SH3PXD2B: variants seen among roughly 807,000 people sequenced by gnomAD.
The protein encoded by SH3PXD2B is SH3 and PX domains 2B, also known as SH3 and PX domain-containing protein 2B.
In SH3PXD2B, 37 loss-of-function variants were observed where a neutral mutation model predicts 73.1. The observed-to-expected ratio is 0.51, with a 90% CI of 0.39 to 0.67. The LOEUF (loss-of-function observed/expected upper bound fraction) is 0.67. SH3PXD2B is among the 30% of genes least tolerant of loss of function. The probability of loss-of-function intolerance (pLI) is 0.00; values close to 1 mark genes in which losing one functional copy is unlikely to be tolerated. For missense variants in SH3PXD2B, 1,053 were observed against 1,197.8 expected (o/e 0.88, Z 1.78); for synonymous variants, 457 against 480.5 (o/e 0.95, Z 0.64).
intron 3 of SH3PXD2B, among the ~76,000 whole-genome samples, chr5:172,397,139 G>T (rs554219048): frequency 6.6e-6 from 1 of 152,126 alleles, no homozygotes; most frequent in African/African-American, 2.4e-5. Flanking sequence ...TTCCTAGGGG[G>T]AGGTCTCTGA....
At position 172,335,206 on chromosome 5, in the gene SH3PXD2B, T is replaced by G; in HGVS notation, c.*3163A>C. ...TGCCCTGGGATGTAAGGTAAAGTAG[T>G]TGTCACAATTGTGTTAATAAGCAGG... On this transcript the variant is annotated 3_prime_UTR_variant, in exon 13 of 13. Coordinates refer to ENST00000311601, the MANE Select transcript of SH3PXD2B (RefSeq NM_001017995.3). The G allele has an allele frequency of 9.9e-7, 1 of 1,012,776 alleles. No individual in the cohort carries two copies. The highest frequency in any genetic ancestry group is 1.2e-6 in the Non-Finnish European group (1 of 848,596). 62.7% of individuals were successfully genotyped at this position (1,012,776 alleles called of 1,614,324 possible).
intron 7 of SH3PXD2B, 146 bp from the exon 8 acceptor site, chr5:172,359,023 A>C: frequency 2.5e-6 from 2 of 784,394 alleles, no homozygotes; most frequent in Non-Finnish European, 4.3e-6. Context: ...ACAACTACCA[A>C]TGTTACCTGC....
chr5:172,430,501 T>C (rs1435789747), intron 1 of SH3PXD2B, among the ~76,000 whole-genome samples: 1 of 152,162 alleles, frequency 6.6e-6, no homozygotes. Flanking sequence ...CCACCCACCC[T>C]GGGCCTCAGT....
intron 12 of SH3PXD2B, 39 bp downstream of exon 12, chr5:172,346,097 G>A (rs1756991300): frequency 6.2e-7 from 1 of 1,613,550 alleles, no homozygotes; most frequent in Non-Finnish European, 8.5e-7. Context: ...CCTGGAATCA[G>A]GAATCACAAG....
At chr5:172,447,048 G>A (rs529442869) in intron 1 of SH3PXD2B, among the ~76,000 whole-genome samples, 18 of 152,270 alleles carry the variant, frequency 1.2e-4, no homozygotes, top group Non-Finnish European at 2.2e-4. Flanking sequence ...TGGGGCAGCA[G>A]GATGTGGGGA....
intron 8 of SH3PXD2B, among the ~76,000 whole-genome samples, chr5:172,355,550 T>C (rs1218000737): frequency 7.4e-6 from 1 of 134,976 alleles, no homozygotes; most frequent in African/African-American, 2.5e-5. Context: ...TTTCTTTTCT[T>C]TTTTTTTTTT....
At chr5:172,449,321 GGTCA>G in intron 1 of SH3PXD2B, among the ~76,000 whole-genome samples, 1 of 152,312 alleles carries the variant, frequency 6.6e-6, no homozygotes, top group South Asian at 2.1e-4. Context: ...ACCCATCCAA[GGTCA>G]GTCAGCTCCG....
chr5:172,335,916 TA>T lies in SH3PXD2B; in HGVS notation c.*2452del. ...TCAGTACCCGCGGGTCATGTCAGAA[TA>T]ATCATCATCATCATAGCAAAAGAGA... On this transcript the variant is annotated 3_prime_UTR_variant, in exon 13 of 13. Transcript: ENST00000311601. 8.4e-7 allele frequency: 1 copy of T among 1,192,112 alleles called. No homozygotes were observed. The highest frequency in any genetic ancestry group is 1.0e-6 in the Non-Finnish European group (1 of 963,516). The allele number at this position is 1,192,112 out of a possible 1,614,324, so 73.8% of individuals were successfully genotyped here.
At chr5:172,414,819 T>G (rs1208953249) in intron 2 of SH3PXD2B, among the ~76,000 whole-genome samples, 1 of 152,172 alleles carries the variant, frequency 6.6e-6, no homozygotes, top group Non-Finnish European at 1.5e-5. Flanking sequence ...TGTGCCCCCC[T>G]GCCAATGTTG....
chr5:172,398,634 T>A (rs537039825), intron 3 of SH3PXD2B, among the ~76,000 whole-genome samples: 1 of 152,364 alleles, frequency 6.6e-6, no homozygotes, highest in South Asian at 2.1e-4. Flanking sequence ...TGGTGGTCGA[T>A]AAACAACATA....
At position 172,386,219 on chromosome 5, in the gene SH3PXD2B, G is replaced by A. The variant is rs140302464; in HGVS notation, c.310-4092C>T. 3.3e-5 allele frequency among the ~76,000 whole-genome samples: 5 copies of A among 152,292 alleles called. No individual in the cohort carries two copies. In the East Asian group the frequency reaches 7.7e-4, roughly 23 times the overall value. On this transcript the variant is annotated intron_variant, in intron 4 of 12. Transcript: ENST00000311601. Reference sequence around the variant, plus strand: ...AAATAAAGAACACCCATCTTGGAGGGCTGTGCTATAGAATAAGTGAGGAAG... The same window carrying A: ...AAATAAAGAACACCCATCTTGGAGGACTGTGCTATAGAATAAGTGAGGAAG...
At chr5:172,440,581 A>G (rs1254845835) in intron 1 of SH3PXD2B, among the ~76,000 whole-genome samples, 1 of 152,240 alleles carries the variant, frequency 6.6e-6, no homozygotes, top group African/African-American at 2.4e-5. Flanking sequence ...AGAAAACTGC[A>G]GAAGTCAAGA....
At chr5:172,355,340 G>GTTCC (rs1757247985) in intron 8 of SH3PXD2B, among the ~76,000 whole-genome samples, 1 of 152,204 alleles carries the variant, frequency 6.6e-6, no homozygotes, top group Non-Finnish European at 1.5e-5. Context: ...ACAGTCCGCC[G>GTTCC]TTCCCCTCCT....
At chr5:172,325,248 T>A in exon 13 of SH3PXD2B, 1 of 1,477,944 alleles carries the variant, frequency 6.8e-7, no homozygotes, top group Non-Finnish European at 9.1e-7. Flanking sequence ...AAATTCATGT[T>A]CACAGCAGCA....
intron 5 of SH3PXD2B, among the ~76,000 whole-genome samples, chr5:172,381,217 A>G (rs934365706): frequency 3.3e-5 from 5 of 152,212 alleles, no homozygotes; most frequent in African/African-American, 7.2e-5. Flanking sequence ...GAGCAGCAGC[A>G]TCTACTTCTG....
At chr5:172,420,183 CT>C (rs2113460113) in intron 2 of SH3PXD2B, among the ~76,000 whole-genome samples, 1 of 152,342 alleles carries the variant, frequency 6.6e-6, no homozygotes, top group South Asian at 2.1e-4. Flanking sequence ...ATCTTAGCAT[CT>C]TTAACTTATA....
At chr5:172,346,717 G>A (rs112124438) in intron 11 of SH3PXD2B, among the ~76,000 whole-genome samples, 69 of 152,010 alleles carry the variant, frequency 4.5e-4, no homozygotes, top group Admixed American at 8.5e-4. Context: ...ATTAGTTAAT[G>A]TTGTGAGGCA....
intron 2 of SH3PXD2B, among the ~76,000 whole-genome samples, chr5:172,417,210 T>C (rs1758846353): frequency 6.6e-6 from 1 of 152,222 alleles, no homozygotes; most frequent in Non-Finnish European, 1.5e-5. Context: ...GGCAGGACAC[T>C]GATTCTACTT....
chr5:172,362,588 G>T, intron 7 of SH3PXD2B, 147 bp downstream of exon 7: 1 of 1,100,396 alleles, frequency 9.1e-7, no homozygotes, highest in Non-Finnish European at 1.4e-6. Flanking sequence ...TGATCAAACA[G>T]GGGCCTCTTT....
Sources: gnomAD v4.1 joint callset for allele counts (sites outside exome capture counted in the v4.1 genomes callset) on GRCh38, gnomAD v4.1.1 for gene constraint, MANE v1.5 for transcripts, NCBI Gene and HGNC (gene_info 2026-07-23, HGNC 2026-07-21) for gene names.